Variants in HEATR5A observed in about 807,000 individuals in gnomAD.
HEATR5A encodes HEAT repeat-containing protein 5A.
Under a neutral mutation model 218.8 loss-of-function variants are expected in HEATR5A, and 178 were observed. That is an observed-to-expected ratio of 0.81 (90% CI 0.72 to 0.92). The LOEUF (loss-of-function observed/expected upper bound fraction) is 0.92, where lower values mean the gene tolerates loss of function less well. HEATR5A is among the 40% of genes least tolerant of loss of function. HEATR5A has a pLI of 0.00. For missense variants in HEATR5A, 2,420 were observed against 2,418.9 expected (o/e 1.00, Z -0.01); for synonymous variants, 864 against 871.6 (o/e 0.99, Z 0.15).
intron 18 of HEATR5A, among the ~76,000 whole-genome samples, chr14:31,348,999 C>T (rs1315407224): frequency 6.6e-6 from 1 of 152,054 alleles, no homozygotes; most frequent in African/African-American, 2.4e-5. Flanking sequence ...TCTCATTTAC[C>T]TTAACATTCT....
chr14:31,407,596 A>ATATATATATATATATT (rs2031121263), intron 1 of HEATR5A, among the ~76,000 whole-genome samples: 1 of 484 alleles, frequency 2.1e-3, no homozygotes, highest in African/African-American at 4.8e-3. Context: ...ATATATATAT[A>ATATATATATATATATT]TATATATATA....
intron 9 of HEATR5A, 61 bp downstream of exon 9, chr14:31,386,359 C>T: frequency 7.5e-7 from 1 of 1,325,708 alleles, no homozygotes; most frequent in Non-Finnish European, 1.0e-6. Context: ...TGAAGATTTC[C>T]TTCCTTGGAA....
intron 21 of HEATR5A, chr14:31,340,487 AC>A (rs1416957627): frequency 1.6e-6 from 2 of 1,287,344 alleles, no homozygotes; most frequent in Non-Finnish European, 2.0e-6. Flanking sequence ...CTGCACAAAA[AC>A]AAATGACACA....
intron 34 of HEATR5A, 66 bp from the exon 35 acceptor site, chr14:31,294,170 C>A: frequency 1.9e-6 from 2 of 1,071,872 alleles, no homozygotes; most frequent in South Asian, 1.5e-5. Context: ...CCTGAGGACT[C>A]TTTGCTTTTT....
chr14:31,390,009 A>G (rs941518631), intron 6 of HEATR5A, among the ~76,000 whole-genome samples: 11 of 152,130 alleles, frequency 7.2e-5, no homozygotes, highest in African/African-American at 2.7e-4. Context: ...TAAATAGGGT[A>G]TTGGGGTAAG....
intron 12 of HEATR5A, 146 bp from the exon 13 acceptor site, chr14:31,372,055 G>C: frequency 2.0e-6 from 1 of 494,832 alleles, no homozygotes; most frequent in East Asian, 3.3e-5. Context: ...AGTATAAAAA[G>C]GTATATAGTG....
chr14:31,378,244 G>A (rs1182718846), intron 11 of HEATR5A, among the ~76,000 whole-genome samples: 1 of 152,004 alleles, frequency 6.6e-6, no homozygotes, highest in African/African-American at 2.4e-5. Context: ...ACTCAACTCT[G>A]CCACTGTACA....
chr14:31,401,355 A>G (rs2030872789), intron 2 of HEATR5A, among the ~76,000 whole-genome samples: 1 of 152,174 alleles, frequency 6.6e-6, no homozygotes, highest in Non-Finnish European at 1.5e-5. Context: ...CCTTCCTGCC[A>G]TGATGTGAAG....
intron 1 of HEATR5A, among the ~76,000 whole-genome samples, chr14:31,419,092 A>C (rs1329733423): frequency 6.6e-6 from 1 of 152,190 alleles, no homozygotes; most frequent in Admixed American, 6.5e-5. Context: ...TCTAACATCC[A>C]TAAATAGTGG....
In HEATR5A at chr14:31,293,594, C is replaced by T. The variant is rs747860210; in HGVS notation, c.5852G>A (p.Cys1951Tyr). 5.2e-5 allele frequency: 84 copies of T among 1,610,250 alleles called. No homozygotes were observed. The highest frequency in any genetic ancestry group is 5.0e-4 in the Middle Eastern group (3 of 6,022). The change falls in exon 36 of 36, where the codon TGT becomes TAT. Residue 1951 changes from cysteine to tyrosine, a missense_variant. Transcript: ENST00000543095. ...EEHHRAQLVACLLPILISFLL... is the reference protein window; with the variant it reads ...EEHHRAQLVAYLLPILISFLL... ...GAAGGAAATGAGGATGGGCAAAAGA[C>T]AGGCCACCAGCTGAGCGCCTAGAAA...
In HEATR5A at chr14:31,332,256, C is replaced by T. The variant is rs74043926; in HGVS notation, c.3367+5220G>A. Among the ~76,000 whole-genome samples the T allele has an allele frequency of 2.3e-3, 353 of 152,242 alleles. 2 individuals are homozygous for T. Among genetic ancestry groups the T allele is most frequent in the African/African-American group, 7.8e-3 (322 of 41,534 alleles). On this transcript the variant is annotated intron_variant, in intron 22 of 35. Transcript: ENST00000543095. ...TTACTATTTTAATAGTTTTGGAGTGCCACAAACTATGCCCACGCAAAACAG... is the reference window on the plus strand; with the variant it reads ...TTACTATTTTAATAGTTTTGGAGTGTCACAAACTATGCCCACGCAAAACAG...
intron 28 of HEATR5A, among the ~76,000 whole-genome samples, chr14:31,312,003 G>A (rs1008167331): frequency 6.6e-6 from 1 of 152,180 alleles, no homozygotes; most frequent in African/African-American, 2.4e-5. Flanking sequence ...TCCAGTGGTG[G>A]AGCATGTGGG....
At chr14:31,387,448 G>T in intron 7 of HEATR5A, 73 bp from the exon 8 acceptor site, 1 of 1,077,044 alleles carries the variant, frequency 9.3e-7, no homozygotes, top group Non-Finnish European at 1.3e-6. Flanking sequence ...AAAACATGTA[G>T]CATTTATTAA....
In HEATR5A at chr14:31,420,523, G is replaced by C. The variant is rs553999308; in HGVS notation, c.-126C>G. On this transcript the variant is annotated 5_prime_UTR_variant, in exon 1 of 36. Coordinates refer to ENST00000543095, the MANE Select transcript of HEATR5A (RefSeq NM_015473.4). Reference sequence around the variant, plus strand: ...TGCGTCCCGGTCCAGCAACGTTACCGGCTGCTCTGCTAACCCTAGCAGAGT... The same window carrying C: ...TGCGTCCCGGTCCAGCAACGTTACCCGCTGCTCTGCTAACCCTAGCAGAGT... 2 of 152,398 alleles carry C rather than the reference G, an allele frequency of 1.3e-5. No homozygotes were observed. Among genetic ancestry groups the C allele is most frequent in the African/African-American group, 4.8e-5 (2 of 41,456 alleles). 9.4% of individuals were successfully genotyped at this position (152,398 alleles called of 1,614,324 possible).
chr14:31,311,259 A>G (rs1414743235), intron 28 of HEATR5A, among the ~76,000 whole-genome samples: 5 of 152,190 alleles, frequency 3.3e-5, no homozygotes, highest in Non-Finnish European at 5.9e-5. Flanking sequence ...CCCTATCCCT[A>G]TTTCCACACA....
chr14:31,357,585 A>T (rs1400071689), intron 16 of HEATR5A, among the ~76,000 whole-genome samples: 1 of 152,224 alleles, frequency 6.6e-6, no homozygotes, highest in Non-Finnish European at 1.5e-5. Context: ...GATGCCTGAG[A>T]AATGTATATG....
intron 2 of HEATR5A, among the ~76,000 whole-genome samples, chr14:31,401,569 T>C (rs556117095): frequency 5.3e-4 from 80 of 152,192 alleles, no homozygotes; most frequent in Admixed American, 3.7e-3. Context: ...TAGAGTGCAA[T>C]GGCTATTCAT....
chr14:31,316,786 AG>A (rs1446230857), intron 26 of HEATR5A, among the ~76,000 whole-genome samples: 2 of 152,168 alleles, frequency 1.3e-5, no homozygotes, highest in Non-Finnish European at 1.5e-5. Context: ...TGACCTCCAC[AG>A]GGGGATCCTC....
intron 16 of HEATR5A, among the ~76,000 whole-genome samples, chr14:31,355,353 C>T (rs1901387222): frequency 1.3e-5 from 2 of 151,842 alleles, no homozygotes; most frequent in South Asian, 4.2e-4. Context: ...GCGGAGGTTG[C>T]AGTGAGCCGA....
Sources: allele counts gnomAD v4.1 joint callset (sites outside exome capture counted in the v4.1 genomes callset), GRCh38; gene constraint gnomAD v4.1.1; transcripts MANE v1.5; gene names NCBI Gene and HGNC (gene_info 2026-07-23, HGNC 2026-07-21).